The following RSBN1L variants were observed in gnomAD, a reference collection of about 807,000 sequenced individuals.
RSBN1L encodes lysine-specific demethylase RSBN1L.
A neutral mutation model predicts 67.7 loss-of-function variants in RSBN1L; 30 were observed. That is an observed-to-expected ratio of 0.44 (90% CI 0.33 to 0.60). The LOEUF (loss-of-function observed/expected upper bound fraction) is 0.60. Among genes scored for constraint, RSBN1L ranks in the 20% least tolerant of loss-of-function variants. The pLI is 0.02. For synonymous variants in RSBN1L, 433 were observed against 387.0 expected (o/e 1.12, Z -1.39); for missense variants, 992 against 1,031.7 (o/e 0.96, Z 0.53).
intron 6 of RSBN1L, among the ~76,000 whole-genome samples, chr7:77,775,726 A>G: frequency 6.6e-6 from 1 of 152,090 alleles, no homozygotes; most frequent in African/African-American, 2.4e-5. Context: ...TGTTTTATGG[A>G]CCATCTTGAT....
chr7:77,741,477 G>A (rs141677482), intron 2 of RSBN1L, among the ~76,000 whole-genome samples: 2,787 of 151,738 alleles, frequency 0.018, 37 homozygotes, highest in Middle Eastern at 0.071. Context: ...GGATCATGAG[G>A]TCAGGAGATC....
At chr7:77,697,877 C>T (rs1790761754) in intron 1 of RSBN1L, among the ~76,000 whole-genome samples, 1 of 152,196 alleles carries the variant, frequency 6.6e-6, no homozygotes, top group South Asian at 2.1e-4. Context: ...TATAATTTTT[C>T]AGGTGTTTCC....
chr7:77,777,602 T>C (rs1252148330), intron 6 of RSBN1L, among the ~76,000 whole-genome samples: 1 of 152,100 alleles, frequency 6.6e-6, no homozygotes, highest in African/African-American at 2.4e-5. Flanking sequence ...AGTCTTATCC[T>C]TCTTTCTCTG....
At position 77,773,302 on chromosome 7, in the gene RSBN1L, A is replaced by G. The variant is rs772060108; in HGVS notation, c.1781A>G (p.His594Arg). Reference sequence around the variant, plus strand: ...GCTGTTGGAGTGCTGAAGGCTGTGCACTGTGGAGAGTGGTATATATAACTA... The same window carrying G: ...GCTGTTGGAGTGCTGAAGGCTGTGCGCTGTGGAGAGTGGTATATATAACTA... The part of the protein sequence containing the change: ...TAAVGVLKAV[H>R]CGEWPDQPRI... The change falls in exon 6 of 8, where the codon CAC becomes CGC. Residue 594 changes from histidine (H) to arginine (R), a missense_variant. Transcript: ENST00000334955. The G allele has an allele frequency of 1.3e-6, 2 of 1,579,936 alleles. No homozygotes were observed. The highest frequency in any genetic ancestry group is 3.8e-5 in the Admixed American group (2 of 52,652).
chr7:77,772,350 G>A (rs867488286), intron 5 of RSBN1L, among the ~76,000 whole-genome samples: 4 of 152,104 alleles, frequency 2.6e-5, no homozygotes, highest in Non-Finnish European at 5.9e-5. Context: ...GCATCTGGAA[G>A]AAACAAAAAC....
chr7:77,757,885 A>G (rs777635044), intron 3 of RSBN1L, among the ~76,000 whole-genome samples: 4 of 152,166 alleles, frequency 2.6e-5, no homozygotes, highest in Non-Finnish European at 4.4e-5. Flanking sequence ...CTAATGTCCC[A>G]TTGACAAAGG....
intron 1 of RSBN1L, among the ~76,000 whole-genome samples, chr7:77,735,457 A>G (rs1286055320): frequency 1.3e-5 from 2 of 152,186 alleles, no homozygotes; most frequent in Non-Finnish European, 2.9e-5. Context: ...ATTACTGTCT[A>G]GATCTGGACA....
At chr7:77,700,266 T>C (rs1175182082) in intron 1 of RSBN1L, among the ~76,000 whole-genome samples, 1 of 152,210 alleles carries the variant, frequency 6.6e-6, no homozygotes, top group Non-Finnish European at 1.5e-5. Flanking sequence ...AATTATTTTA[T>C]GGCAAACCAC....
chr7:77,717,220 C>T (rs1422149701), intron 1 of RSBN1L, among the ~76,000 whole-genome samples: 2 of 152,082 alleles, frequency 1.3e-5, no homozygotes, highest in East Asian at 1.9e-4. Flanking sequence ...GGATTACAGG[C>T]GTCAGCCACT....
At chr7:77,725,944 C>T in intron 1 of RSBN1L, among the ~76,000 whole-genome samples, 2 of 152,004 alleles carry the variant, frequency 1.3e-5, no homozygotes, top group Middle Eastern at 3.4e-3. Flanking sequence ...TTTTCTGTAA[C>T]CTGCTTTTTT....
chr7:77,712,534 C>G (rs1790989639), intron 1 of RSBN1L, among the ~76,000 whole-genome samples: 1 of 152,182 alleles, frequency 6.6e-6, no homozygotes, highest in Non-Finnish European at 1.5e-5. Context: ...CCTCCTCAGC[C>G]TCCCAAAGTC....
At chr7:77,766,402 C>CT (rs1263357664) in intron 4 of RSBN1L, among the ~76,000 whole-genome samples, 1 of 152,120 alleles carries the variant, frequency 6.6e-6, no homozygotes, top group Non-Finnish European at 1.5e-5. Flanking sequence ...TCAGGCTGGT[C>CT]TTGAACTCTT....
intron 1 of RSBN1L, among the ~76,000 whole-genome samples, chr7:77,720,093 T>A (rs1281849815): frequency 6.6e-6 from 1 of 152,196 alleles, no homozygotes; most frequent in Non-Finnish European, 1.5e-5. Context: ...TTCCTCTTAC[T>A]CTTTGTGTGT....
chr7:77,770,235 C>T (rs1018066235), intron 5 of RSBN1L, among the ~76,000 whole-genome samples: 1 of 152,002 alleles, frequency 6.6e-6, no homozygotes, highest in African/African-American at 2.4e-5. Context: ...ATTAGCCCAG[C>T]GTGGTGGGAC....
intron 1 of RSBN1L, among the ~76,000 whole-genome samples, chr7:77,709,654 TTA>T (rs1790947094): frequency 6.6e-6 from 1 of 152,132 alleles, no homozygotes; most frequent in Non-Finnish European, 1.5e-5. Context: ...AGGTAAGCAA[TTA>T]ACTGTTCAGA....
intron 1 of RSBN1L, among the ~76,000 whole-genome samples, chr7:77,720,963 GTCATATGACCTC>G (rs1388158004): frequency 6.6e-6 from 1 of 151,688 alleles, no homozygotes; most frequent in African/African-American, 2.4e-5. Flanking sequence ...CACCATTTTG[GTCATATGACCTC>G]AAGTGATCTG....
chr7:77,698,648 A>T (rs552393556), intron 1 of RSBN1L, among the ~76,000 whole-genome samples: 2 of 152,226 alleles, frequency 1.3e-5, no homozygotes, highest in African/African-American at 4.8e-5. Context: ...TTTCAATTAC[A>T]TTTAGAATCC....
intron 1 of RSBN1L, among the ~76,000 whole-genome samples, chr7:77,724,462 G>A (rs1182664329): frequency 7.2e-6 from 1 of 138,312 alleles, no homozygotes; most frequent in Non-Finnish European, 1.5e-5. Flanking sequence ...GTCTCACTCT[G>A]TTGTCCAGGT....
intron 1 of RSBN1L, among the ~76,000 whole-genome samples, chr7:77,705,780 G>A (rs1364613862): frequency 6.6e-6 from 1 of 152,116 alleles, no homozygotes; most frequent in Admixed American, 6.6e-5. Flanking sequence ...ACGATTACAG[G>A]CATGAGCCAC....
Sources: allele counts gnomAD v4.1 joint callset (sites outside exome capture counted in the v4.1 genomes callset), GRCh38; gene constraint gnomAD v4.1.1; transcripts MANE v1.5; gene names NCBI Gene and HGNC (gene_info 2026-07-23, HGNC 2026-07-21).